Variants in RGS7 observed in about 807,000 individuals in gnomAD.
The protein encoded by RGS7 is regulator of G protein signaling 7, also known as regulator of G-protein signaling 7.
RGS7 carries 27 observed loss-of-function variants against 81.1 expected under a neutral mutation model. That is an observed-to-expected ratio of 0.33 (90% CI 0.25 to 0.46). The LOEUF is 0.46. Among genes scored for constraint, RGS7 ranks in the 20% least tolerant of loss-of-function variants. The pLI is 1.00. For missense variants in RGS7, 396 were observed against 607.4 expected, an observed-to-expected ratio of 0.65 and a Z score of 3.66; for synonymous variants, 208 against 207.7, an observed-to-expected ratio of 1.00 and a Z score of -0.01.
chr1:240,990,091 G>T (rs1024835926), intron 3 of RGS7, among the ~76,000 whole-genome samples: 1 of 152,184 alleles, frequency 6.6e-6, no homozygotes, highest in African/African-American at 2.4e-5. Context: ...CTGATGAAGG[G>T]TCTCAGCTGC....
At chr1:241,294,916 C>T (rs2079310120) in intron 2 of RGS7, among the ~76,000 whole-genome samples, 1 of 152,002 alleles carries the variant, frequency 6.6e-6, no homozygotes, top group African/African-American at 2.4e-5. Flanking sequence ...ACTAAAGAAA[C>T]AAATAGTGGT....
intron 2 of RGS7, among the ~76,000 whole-genome samples, chr1:241,246,304 AATCT>A (rs1044512363): frequency 2.6e-5 from 4 of 152,012 alleles, no homozygotes; most frequent in Non-Finnish European, 4.4e-5. Context: ...TGGACTGATA[AATCT>A]ATCTGTCTTT....
chr1:241,137,545 A>G (rs531105891), intron 2 of RGS7, among the ~76,000 whole-genome samples: 13 of 152,180 alleles, frequency 8.5e-5, no homozygotes, highest in Non-Finnish European at 1.6e-4. Context: ...TTCAACTGCC[A>G]CAACTTCCAT....
chr1:240,778,980 T>C (rs1683466363), intron 18 of RGS7, among the ~76,000 whole-genome samples: 1 of 152,094 alleles, frequency 6.6e-6, no homozygotes, highest in Admixed American at 6.6e-5. Flanking sequence ...GGTCTGTCTG[T>C]CCCCCTCAAA....
At position 241,037,720 on chromosome 1, in the gene RGS7, C is replaced by CA. The variant is rs34194641; in HGVS notation, c.176-54592dup. Reference sequence around the variant, plus strand: ...TGGGCAATAGAGTGAGACTCCATCTCAAAAAAAAAAAAAAAAGTGGATACA... The same window carrying CA: ...TGGGCAATAGAGTGAGACTCCATCTCAAAAAAAAAAAAAAAAAGTGGATACA... On this transcript the variant is annotated intron_variant, in intron 3 of 18. Transcript: ENST00000440928. Among the ~76,000 whole-genome samples, 358 of 130,260 alleles carry CA rather than the reference C, an allele frequency of 2.7e-3. 4 individuals carry two copies. The highest frequency in any genetic ancestry group is 8.8e-3 in the South Asian group (35 of 3,966). 85.5% of individuals were successfully genotyped at this position (130,260 alleles called of 152,430 possible). A position where few individuals can be genotyped will look rare whatever the true frequency, so the allele number is the denominator to read the frequency against.
At chr1:241,114,227 G>T (rs759421301) in intron 2 of RGS7, among the ~76,000 whole-genome samples, 1 of 151,988 alleles carries the variant, frequency 6.6e-6, no homozygotes, top group Non-Finnish European at 1.5e-5. Flanking sequence ...TATAACTCTG[G>T]ACAAACCAGA....
intron 3 of RGS7, among the ~76,000 whole-genome samples, chr1:241,019,516 C>G (rs1256005791): frequency 6.6e-6 from 1 of 152,072 alleles, no homozygotes; most frequent in Non-Finnish European, 1.5e-5. Flanking sequence ...AGCTCCCCAC[C>G]CCGCAACAGG....
intron 2 of RGS7, among the ~76,000 whole-genome samples, chr1:241,171,742 C>T (rs1449783414): frequency 6.6e-6 from 1 of 152,180 alleles, no homozygotes; most frequent in Non-Finnish European, 1.5e-5. Context: ...CACAGGTCCA[C>T]GAATGGGAAG....
At chr1:240,996,773 G>T (rs1687354597) in intron 3 of RGS7, among the ~76,000 whole-genome samples, 1 of 152,044 alleles carries the variant, frequency 6.6e-6, no homozygotes, top group Non-Finnish European at 1.5e-5. Flanking sequence ...CTTTTAAATA[G>T]TATATTTAAG....
chr1:241,047,122 G>A (rs1438399494), intron 3 of RGS7, among the ~76,000 whole-genome samples: 1 of 152,042 alleles, frequency 6.6e-6, no homozygotes, highest in Non-Finnish European at 1.5e-5. Flanking sequence ...TTTTGGCCAG[G>A]GCAAAAGGAG....
chr1:241,170,244 A>G (rs1225240398), intron 2 of RGS7, among the ~76,000 whole-genome samples: 4 of 152,152 alleles, frequency 2.6e-5, no homozygotes, highest in African/African-American at 9.7e-5. Flanking sequence ...ATTATTTCCC[A>G]AAGATTTGAA....
chr1:240,932,316 GA>G (rs1257670316), intron 5 of RGS7, among the ~76,000 whole-genome samples: 2 of 151,980 alleles, frequency 1.3e-5, no homozygotes, highest in South Asian at 4.1e-4. Flanking sequence ...TCTGAAGAAA[GA>G]AAAAAAGACT....
At chr1:241,148,333 G>A (rs1327231568) in intron 2 of RGS7, among the ~76,000 whole-genome samples, 1 of 152,074 alleles carries the variant, frequency 6.6e-6, no homozygotes, top group East Asian at 1.9e-4. Context: ...TTACAGGCAT[G>A]AGCCACCATG....
rs377063528 is a variant in RGS7, at chr1:240,874,974, G to A, written c.386-4855C>T. On this transcript the variant is annotated intron_variant, in intron 6 of 18. Transcript: ENST00000440928. ...GGAGAATTGCTTGAACCCGGGAGGC[G>A]GGGGTTGCAGTGAGCTGAGATCCCA... Among the ~76,000 whole-genome samples the A allele has an allele frequency of 3.3e-5, 5 of 151,966 alleles. No homozygotes were observed. The East Asian group carries it at 5.8e-4, about 18-fold the overall frequency.
chr1:240,918,952 A>C, intron 6 of RGS7, among the ~76,000 whole-genome samples: 1 of 152,142 alleles, frequency 6.6e-6, no homozygotes, highest in Non-Finnish European at 1.5e-5. Context: ...GAACAACTCA[A>C]CCCCACAAAT....
chr1:240,775,871 G>C lies in RGS7; in HGVS notation c.*349C>G, dbSNP rs1026529731. 7 of 361,166 alleles carry C rather than the reference G, an allele frequency of 1.9e-5. No homozygotes were observed. Among genetic ancestry groups the C allele is most frequent in the East Asian group, 5.3e-5 (1 of 18,744 alleles). The allele number at this position is 361,166 out of a possible 1,614,324, so 22.4% of individuals were successfully genotyped here. ...TGTCTAACTGAAGCTTTGAGAGAGA[G>C]AGAGAGAGAAAGAAGGAAAAAAAGA... On this transcript the variant is annotated 3_prime_UTR_variant, in exon 19 of 19. Coordinates refer to ENST00000440928, the MANE Select transcript of RGS7 (RefSeq NM_001364886.1).
chr1:241,207,155 G>T (rs1268215246), intron 2 of RGS7, among the ~76,000 whole-genome samples: 1 of 151,018 alleles, frequency 6.6e-6, no homozygotes, highest in Non-Finnish European at 1.5e-5. Flanking sequence ...TTTTAGTAGA[G>T]ACGGGGTTTC....
chr1:241,239,193 T>A (rs2076148445), intron 2 of RGS7, among the ~76,000 whole-genome samples: 1 of 151,984 alleles, frequency 6.6e-6, no homozygotes, highest in Non-Finnish European at 1.5e-5. Context: ...GTTCTCGATC[T>A]CCGGACCTCG....
rs529303941 is a variant in RGS7 at position 240,920,221 on chromosome 1, G to C, written c.385+10496C>G. 165 of 1,169,302 alleles carry C rather than the reference G, an allele frequency of 1.4e-4. 1 individual carries two copies. The South Asian group carries it at 1.8e-3, about 13-fold the overall frequency. 72.4% of individuals were successfully genotyped at this position (1,169,302 alleles called of 1,614,324 possible). A position where few individuals can be genotyped will look rare whatever the true frequency, so the allele number is the denominator to read the frequency against. On this transcript the variant is annotated intron_variant, in intron 6 of 18. Transcript: ENST00000440928. The stretch of plus-strand genomic sequence containing the variant: ...AAGCAAGAGATAGCTAGTGCTTCAT[G>C]CAGCCAAAGAGGTCGAAGTGGTTCT...
Sources: allele counts gnomAD v4.1 joint callset (sites outside exome capture counted in the v4.1 genomes callset), GRCh38; gene constraint gnomAD v4.1.1; transcripts MANE v1.5; gene names NCBI Gene and HGNC (gene_info 2026-07-23, HGNC 2026-07-21).